The following PPP1R13B variants were observed in gnomAD, a reference collection of about 807,000 sequenced individuals.
PPP1R13B encodes protein phosphatase 1 regulatory subunit 13B.
Under a neutral mutation model 119.8 loss-of-function variants are expected in PPP1R13B, and 44 were observed. The observed-to-expected ratio is 0.37, with a 90% CI of 0.29 to 0.47. The LOEUF (loss-of-function observed/expected upper bound fraction) is 0.47. PPP1R13B is among the 20% of genes least tolerant of loss of function. The pLI is 0.99. For synonymous variants in PPP1R13B, 542 were observed against 561.5 expected (o/e 0.97, Z 0.49); for missense variants, 1,227 against 1,413.5 (o/e 0.87, Z 2.12).
intron 1 of PPP1R13B, among the ~76,000 whole-genome samples, chr14:103,820,652 A>ATTTTTTT (rs35928276): frequency 8.8e-5 from 9 of 102,590 alleles, no homozygotes; most frequent in African/African-American, 1.3e-4. Flanking sequence ...CATGCCCAGG[A>ATTTTTTT]TTTTTTTTTT....
intron 1 of PPP1R13B, among the ~76,000 whole-genome samples, chr14:103,834,038 C>A (rs1035642037): frequency 2.0e-5 from 3 of 152,200 alleles, no homozygotes; most frequent in Non-Finnish European, 4.4e-5. Flanking sequence ...ACTCTGCTTT[C>A]ATGGTGCTTC....
At chr14:103,788,811 G>C (rs2085536501) in intron 2 of PPP1R13B, among the ~76,000 whole-genome samples, 1 of 152,080 alleles carries the variant, frequency 6.6e-6, no homozygotes, top group South Asian at 2.1e-4. Context: ...ACTTCATACA[G>C]AACATGATAT....
chr14:103,776,139 T>TGGAAGGAA (rs1377665687), intron 4 of PPP1R13B, among the ~76,000 whole-genome samples: 3 of 119,298 alleles, frequency 2.5e-5, no homozygotes, highest in African/African-American at 1.1e-4. Context: ...CTGCAAGAGC[T>TGGAAGGAA]GGAAGGAAGG....
chr14:103,774,838 C>T (rs957121125), intron 4 of PPP1R13B, among the ~76,000 whole-genome samples: 3 of 152,158 alleles, frequency 2.0e-5, no homozygotes, highest in Admixed American at 6.5e-5. Context: ...TAGAAGGTAA[C>T]GTATTATTAA....
chr14:103,817,418 TA>T lies in PPP1R13B; in HGVS notation c.10-19901del, dbSNP rs536431470. On this transcript the variant is annotated intron_variant, in intron 1 of 16. Transcript: ENST00000202556. ...AATCTCCATATAAAACTTGTTATAT[TA>T]AAAAAAAAAGACTTGTCTAAGCTTG... 5.0e-3 allele frequency among the ~76,000 whole-genome samples: 747 copies of T among 148,370 alleles called. 8 individuals are homozygous for T. Among genetic ancestry groups the T allele is most frequent in the East Asian group, 0.022 (110 of 5,104 alleles).
chr14:103,742,515 C>CTAGGACTT lies in PPP1R13B; in HGVS notation c.1320+131_1320+138dup, dbSNP rs559810031. On this transcript the variant is annotated intron_variant, in intron 10 of 16. Coordinates refer to ENST00000202556, the MANE Select transcript of PPP1R13B (RefSeq NM_015316.3). This position sits in a 1 kb window ranked among gnomAD's most constrained non-coding sequence, Gnocchi z 4.9. ...CAGGCTCTTAGGGCCCAGTAACCCTCTAGGACTTTGGGTGTTGTCTGGACA... is the reference window on the plus strand; with the variant it reads ...CAGGCTCTTAGGGCCCAGTAACCCTCTAGGACTTTAGGACTTTGGGTGTTGTCTGGACA... 400 of 1,331,252 alleles carry CTAGGACTT rather than the reference C, an allele frequency of 3.0e-4. 1 individual carries two copies. The African/African-American group carries it at 3.5e-3, about 12-fold the overall frequency. 82.5% of individuals were successfully genotyped at this position (1,331,252 alleles called of 1,614,324 possible). A position where few individuals can be genotyped will look rare whatever the true frequency, so the allele number is the denominator to read the frequency against.
At chr14:103,802,356 T>C (rs1409255172) in intron 1 of PPP1R13B, among the ~76,000 whole-genome samples, 1 of 152,140 alleles carries the variant, frequency 6.6e-6, no homozygotes, top group Admixed American at 6.6e-5. Flanking sequence ...TTTTCCCAAA[T>C]CATGCTTTAT....
At position 103,734,870 on chromosome 14, in the gene PPP1R13B, C is replaced by G; in HGVS notation, c.*284G>C. ...CAACCAACCGGGGGTTATGGGACTT[C>G]TTAATGGCAAGAGGGGTGGGTGTTT... On this transcript the variant is annotated 3_prime_UTR_variant, in exon 17 of 17. Coordinates refer to ENST00000202556, the MANE Select transcript of PPP1R13B (RefSeq NM_015316.3). The G allele has an allele frequency of 1.9e-6, 1 of 534,096 alleles. No homozygotes were observed. Among genetic ancestry groups the G allele is most frequent in the East Asian group, 4.2e-5 (1 of 23,838 alleles). 33.1% of individuals were successfully genotyped at this position (534,096 alleles called of 1,614,324 possible).
chr14:103,789,656 G>A (rs2085566250), intron 2 of PPP1R13B, among the ~76,000 whole-genome samples: 7 of 151,898 alleles, frequency 4.6e-5, no homozygotes, highest in Admixed American at 4.6e-4. Flanking sequence ...TGGGATTACA[G>A]GTGTGCACTA....
intron 7 of PPP1R13B, among the ~76,000 whole-genome samples, chr14:103,752,560 A>G (rs2084576508): frequency 7.0e-6 from 1 of 142,230 alleles, no homozygotes; most frequent in Admixed American, 7.1e-5. Flanking sequence ...TTTGAGACAG[A>G]GTCTCACTCT....
At chr14:103,741,716 A>C in intron 11 of PPP1R13B, 74 bp downstream of exon 11, 1 of 1,501,776 alleles carries the variant, frequency 6.7e-7, no homozygotes, top group Non-Finnish European at 9.0e-7. Context: ...AACGTAAAGA[A>C]ATACATTAGT....
At chr14:103,814,661 G>A (rs1376292221) in intron 1 of PPP1R13B, among the ~76,000 whole-genome samples, 2 of 151,898 alleles carry the variant, frequency 1.3e-5, no homozygotes, top group African/African-American at 2.4e-5. Context: ...AACAAAAACC[G>A]GCGGCGGGGC....
At chr14:103,770,214 A>G (rs534808023) in intron 4 of PPP1R13B, among the ~76,000 whole-genome samples, 1 of 152,108 alleles carries the variant, frequency 6.6e-6, no homozygotes, top group Non-Finnish European at 1.5e-5. Context: ...AATTTTAATC[A>G]TAAGACTTAT....
intron 1 of PPP1R13B, among the ~76,000 whole-genome samples, chr14:103,822,346 G>C (rs1174742869): frequency 6.6e-6 from 1 of 152,110 alleles, no homozygotes; most frequent in African/African-American, 2.4e-5. Flanking sequence ...TGTTGACCAG[G>C]CTGGTGTCCA....
chr14:103,809,464 T>C (rs1453243735), intron 1 of PPP1R13B, among the ~76,000 whole-genome samples: 1 of 152,120 alleles, frequency 6.6e-6, no homozygotes, highest in Non-Finnish European at 1.5e-5. Context: ...AGATGTGTCA[T>C]GACTACAGGA....
At chr14:103,755,507 A>C (rs2084655953) in intron 5 of PPP1R13B, among the ~76,000 whole-genome samples, 1 of 150,296 alleles carries the variant, frequency 6.7e-6, no homozygotes, top group African/African-American at 2.5e-5. Context: ...TTTCCCTATT[A>C]ATGTGAAAAC....
At position 103,733,197 on chromosome 14, in the gene PPP1R13B, T is replaced by C; in HGVS notation, c.*1957A>G. 1.4e-6 allele frequency: 1 copy of C among 737,700 alleles called. No individual in the cohort carries two copies. The allele number at this position is 737,700 out of a possible 1,614,324, so 45.7% of individuals were successfully genotyped here. On this transcript the variant is annotated 3_prime_UTR_variant, in exon 17 of 17. Coordinates refer to ENST00000202556, the MANE Select transcript of PPP1R13B (RefSeq NM_015316.3). Reference sequence around the variant, plus strand: ...TATCTAGTGCAATATGTTCACAGTTTATTAATGCTTTAAACAGCTTCATGT... The same window carrying C: ...TATCTAGTGCAATATGTTCACAGTTCATTAATGCTTTAAACAGCTTCATGT...
At chr14:103,843,985 G>C (rs2086968549) in intron 1 of PPP1R13B, among the ~76,000 whole-genome samples, 2 of 151,528 alleles carry the variant, frequency 1.3e-5, no homozygotes, top group Non-Finnish European at 2.9e-5. Flanking sequence ...GCCAGGTGCA[G>C]GGGCAGAGGG....
intron 3 of PPP1R13B, among the ~76,000 whole-genome samples, chr14:103,783,106 A>C (rs1389431456): frequency 6.6e-6 from 1 of 150,994 alleles, no homozygotes; most frequent in Non-Finnish European, 1.5e-5. Flanking sequence ...ACGCCTAGCC[A>C]AGTTTTTTTC....
Sources: gnomAD v4.1 joint callset for allele counts (sites outside exome capture counted in the v4.1 genomes callset) on GRCh38, gnomAD v4.1.1 for gene constraint, Gnocchi (gnomAD v3.1) non-coding constraint, MANE v1.5 for transcripts, NCBI Gene and HGNC (gene_info 2026-07-23, HGNC 2026-07-21) for gene names.